PHC3: variants seen among roughly 807,000 people sequenced by gnomAD.
PHC3 encodes polyhomeotic homolog 3.
A neutral mutation model predicts 107.4 loss-of-function variants in PHC3; 13 were observed. The observed-to-expected ratio is 0.12, with a 90% CI of 0.08 to 0.19. The LOEUF (loss-of-function observed/expected upper bound fraction) is 0.19, where lower values mean the gene tolerates loss of function less well. Among genes scored for constraint, PHC3 ranks in the 10% least tolerant of loss-of-function variants. The pLI is 1.00. For missense variants in PHC3, 992 were observed against 1,210.9 expected, an observed-to-expected ratio of 0.82 and a Z score of 2.68; for synonymous variants, 456 against 427.4, an observed-to-expected ratio of 1.07 and a Z score of -0.83.
intron 9 of PHC3, among the ~76,000 whole-genome samples, chr3:170,120,120 CT>C (rs576016932): frequency 4.6e-5 from 7 of 151,438 alleles, no homozygotes; most frequent in African/African-American, 9.7e-5. Context: ...ATAAAACTGA[CT>C]TTTTTTTTGG....
chr3:170,105,803 G>T (rs1249148315), intron 12 of PHC3, among the ~76,000 whole-genome samples: 2 of 152,166 alleles, frequency 1.3e-5, no homozygotes, highest in Non-Finnish European at 2.9e-5. Context: ...AACTTTAGTG[G>T]TAAGTATCTG....
chr3:170,172,425 A>G (rs988402356), intron 3 of PHC3, 132 bp downstream of exon 3: 8 of 936,282 alleles, frequency 8.5e-6, no homozygotes, highest in East Asian at 2.7e-5. Flanking sequence ...GCAACCTATT[A>G]ATATATTTCC....
At chr3:170,136,334 G>A (rs1261327589) in intron 7 of PHC3, 85 bp downstream of exon 7, 3 of 1,523,356 alleles carry the variant, frequency 2.0e-6, no homozygotes, top group African/African-American at 2.8e-5. Context: ...TGTCACTCCT[G>A]TTCAAGTCAT....
Position 170,088,589 on chromosome 3 carries a change from T to C in PHC3, c.*8641A>G, listed in dbSNP as rs1284218525. ...GTTTAAATGTCTACATCCAAAATTA[T>C]ATCATCTTTGCGCATTCAGTTGACT... On this transcript the variant is annotated 3_prime_UTR_variant, in exon 15 of 15. Transcript: ENST00000495893. The C allele has an allele frequency of 6.6e-6, 1 of 152,220 alleles. No homozygotes were observed. The highest frequency in any genetic ancestry group is 1.5e-5 in the Non-Finnish European group (1 of 68,024). 9.4% of individuals were successfully genotyped at this position (152,220 alleles called of 1,614,324 possible).
intron 4 of PHC3, among the ~76,000 whole-genome samples, chr3:170,153,484 C>A (rs1726350093): frequency 1.3e-5 from 2 of 152,094 alleles, no homozygotes; most frequent in African/African-American, 2.4e-5. Flanking sequence ...TCTTCTGAGG[C>A]CGGGCGCGGT....
chr3:170,126,158 C>G (rs893602003), intron 8 of PHC3, among the ~76,000 whole-genome samples: 1 of 152,052 alleles, frequency 6.6e-6, no homozygotes, highest in South Asian at 2.1e-4. Flanking sequence ...TTCCACATCT[C>G]TTAAAAAATA....
At chr3:170,120,100 T>A (rs1312499493) in intron 9 of PHC3, among the ~76,000 whole-genome samples, 1 of 152,208 alleles carries the variant, frequency 6.6e-6, no homozygotes, top group East Asian at 1.9e-4. Context: ...AAATGTAAGT[T>A]TACTATTCAA....
At chr3:170,103,551 C>A (rs935133103) in intron 12 of PHC3, among the ~76,000 whole-genome samples, 2 of 152,064 alleles carry the variant, frequency 1.3e-5, no homozygotes, top group Non-Finnish European at 2.9e-5. Context: ...CAATAGACTG[C>A]CTAGTATTTT....
At chr3:170,169,919 A>T (rs1410347306) in intron 4 of PHC3, 18 of 152,192 alleles carry the variant, frequency 1.2e-4, no homozygotes, top group Non-Finnish European at 7.3e-5. Flanking sequence ...TCAATGACAA[A>T]AACTCCAGTA....
At chr3:170,116,982 T>C in intron 10 of PHC3, 1 of 485,888 alleles carries the variant, frequency 2.1e-6, no homozygotes, top group South Asian at 2.6e-5. Context: ...TCTCTAAAAA[T>C]TATAAAAATA....
Position 170,136,703 on chromosome 3 carries a change from A to G in PHC3, c.673-38T>C, listed in dbSNP as rs542439012. 1.1e-5 allele frequency: 18 copies of G among 1,597,714 alleles called. 1 individual carries two copies. The South Asian group carries it at 2.0e-4, about 18-fold the overall frequency. On this transcript the variant is annotated intron_variant, in intron 6 of 14. Coordinates refer to ENST00000495893, the MANE Select transcript of PHC3 (RefSeq NM_024947.4). ...TAACAGAAAATTAGGATGAAAACAG[A>G]TGGTTTTAATTGATGTGGTCATCAT...
chr3:170,101,332 G>A (rs1449504528), intron 14 of PHC3, among the ~76,000 whole-genome samples: 2 of 152,122 alleles, frequency 1.3e-5, no homozygotes. Context: ...CTGTATATGA[G>A]GTAAAGTGGG....
At chr3:170,130,231 TAACA>T (rs1722034856) in intron 7 of PHC3, among the ~76,000 whole-genome samples, 2 of 152,190 alleles carry the variant, frequency 1.3e-5, no homozygotes, top group Admixed American at 6.5e-5. Context: ...AGAACAAGTA[TAACA>T]TATATAAAGA....
intron 9 of PHC3, among the ~76,000 whole-genome samples, chr3:170,117,832 T>TAA (rs781293663): frequency 1.1e-5 from 1 of 88,748 alleles, no homozygotes; most frequent in Admixed American, 1.2e-4. Flanking sequence ...CCATCTCTAC[T>TAA]AAAAAAAAAA....
intron 4 of PHC3, among the ~76,000 whole-genome samples, chr3:170,168,814 T>C (rs1213977766): frequency 6.6e-6 from 1 of 150,384 alleles, no homozygotes; most frequent in Non-Finnish European, 1.5e-5. Flanking sequence ...GAATTAGTCA[T>C]GATTCTAATT....
intron 4 of PHC3, among the ~76,000 whole-genome samples, chr3:170,154,337 CTGACTCA>C: frequency 6.6e-6 from 1 of 152,302 alleles, no homozygotes; most frequent in East Asian, 1.9e-4. Flanking sequence ...CCAAGTTTTT[CTGACTCA>C]TGTATTTTGG....
rs1721736133 is a variant in PHC3, at chr3:170,128,628, A to C, written c.1788+56T>G. On this transcript the variant is annotated intron_variant, in intron 8 of 14. Coordinates refer to ENST00000495893, the MANE Select transcript of PHC3 (RefSeq NM_024947.4). ...CTTGCAATAAAACATAGTGTGGGAA[A>C]AAATAGTTTTTACTTTCAGTTCAGC... 3.9e-6 allele frequency: 6 copies of C among 1,549,314 alleles called. No individual in the cohort carries two copies. The South Asian group carries it at 7.4e-5, about 19-fold the overall frequency.
At chr3:170,118,298 C>G (rs1719452558) in intron 9 of PHC3, among the ~76,000 whole-genome samples, 1 of 152,104 alleles carries the variant, frequency 6.6e-6, no homozygotes, top group South Asian at 2.1e-4. Flanking sequence ...CAAGCTGGAG[C>G]CCAATGGTAT....
intron 4 of PHC3, among the ~76,000 whole-genome samples, chr3:170,156,742 G>A (rs947229875): frequency 6.6e-6 from 1 of 151,840 alleles, no homozygotes; most frequent in African/African-American, 2.4e-5. Context: ...GGATTACAGG[G>A]CTTGCTACCA....
Sources: allele counts gnomAD v4.1 joint callset (sites outside exome capture counted in the v4.1 genomes callset), GRCh38; gene constraint gnomAD v4.1.1; transcripts MANE v1.5; gene names NCBI Gene and HGNC (gene_info 2026-07-23, HGNC 2026-07-21).